FAM135A: variants seen among roughly 807,000 people sequenced by gnomAD.
FAM135A encodes the protein family with sequence similarity 135 member A.
A neutral mutation model predicts 146.8 loss-of-function variants in FAM135A; 79 were observed. That is an observed-to-expected ratio of 0.54 (90% CI 0.45 to 0.65). The LOEUF (loss-of-function observed/expected upper bound fraction) is 0.65. Among genes scored for constraint, FAM135A ranks in the 30% least tolerant of loss-of-function variants. The probability of loss-of-function intolerance (pLI) is 0.00; values close to 1 mark genes in which losing one functional copy is unlikely to be tolerated. For synonymous variants in FAM135A, 562 were observed against 603.6 expected (o/e 0.93, Z 1.01); for missense variants, 1,623 against 1,758.2 (o/e 0.92, Z 1.38).
At chr6:70,453,661 G>A (rs1777628334) in intron 5 of FAM135A, among the ~76,000 whole-genome samples, 1 of 151,736 alleles carries the variant, frequency 6.6e-6, no homozygotes, top group African/African-American at 2.4e-5. Context: ...GAGAACATGT[G>A]GTGTTTGGTT....
intron 20 of FAM135A, among the ~76,000 whole-genome samples, chr6:70,545,913 T>C (rs547285255): frequency 7.8e-4 from 119 of 152,298 alleles, no homozygotes; most frequent in Middle Eastern, 3.4e-3. Flanking sequence ...GCCAATAATA[T>C]ACATTTTCAG....
chr6:70,536,081 T>C (rs1796740158), intron 18 of FAM135A, 179 bp from the exon 19 acceptor site: 2 of 538,230 alleles, frequency 3.7e-6, no homozygotes, highest in African/African-American at 3.9e-5. Flanking sequence ...GGATCTTCTA[T>C]ACATTCTCAC....
chr6:70,550,144 A>T (rs963464114), intron 20 of FAM135A, among the ~76,000 whole-genome samples: 1 of 152,174 alleles, frequency 6.6e-6, no homozygotes, highest in African/African-American at 2.4e-5. Context: ...TCTTCACTGA[A>T]GTCTTGACCC....
chr6:70,479,133 A>C (rs1783205929), intron 8 of FAM135A, among the ~76,000 whole-genome samples: 1 of 152,204 alleles, frequency 6.6e-6, no homozygotes, highest in Non-Finnish European at 1.5e-5. Flanking sequence ...TCATAAAACT[A>C]GCTGTGTTTC....
intron 16 of FAM135A, among the ~76,000 whole-genome samples, chr6:70,532,405 T>A (rs750534920): frequency 3.3e-5 from 5 of 152,180 alleles, no homozygotes; most frequent in Non-Finnish European, 5.9e-5. Context: ...ATAAACTTTC[T>A]TAGATATTTA....
intron 11 of FAM135A, among the ~76,000 whole-genome samples, chr6:70,496,603 G>A (rs932815299): frequency 2.6e-5 from 4 of 152,268 alleles, no homozygotes; most frequent in African/African-American, 9.6e-5. Flanking sequence ...GAATGGCATT[G>A]CCTAGGTTTT....
chr6:70,495,161 G>A (rs1786935633), intron 11 of FAM135A, among the ~76,000 whole-genome samples: 1 of 152,166 alleles, frequency 6.6e-6, no homozygotes. Context: ...TATTCATTAT[G>A]TCTTGACTGT....
At chr6:70,427,960 A>G (rs189193779) in intron 3 of FAM135A, among the ~76,000 whole-genome samples, 111 of 152,324 alleles carry the variant, frequency 7.3e-4, no homozygotes, top group Non-Finnish European at 4.4e-5. Context: ...AGAAGAGAAT[A>G]TTAGATATCT....
At chr6:70,429,900 AT>A (rs1202599426) in intron 4 of FAM135A, among the ~76,000 whole-genome samples, 191 of 144,396 alleles carry the variant, frequency 1.3e-3, no homozygotes, top group Middle Eastern at 3.5e-3. Context: ...GAGATTCTCT[AT>A]TTTTTTTTTT....
chr6:70,468,613 A>G lies in FAM135A; in HGVS notation c.158-6797A>G, dbSNP rs116918863. 3.3e-3 allele frequency among the ~76,000 whole-genome samples: 497 copies of G among 152,288 alleles called. 5 individuals carry two copies. The highest frequency in any genetic ancestry group is 3.0e-3 in the Non-Finnish European group (206 of 68,028). Reference sequence around the variant, plus strand: ...CCCAAGAGTCTTGTGTCTTCTGCCAACATATATGAAACTGTGGCAGACTAG... The same window carrying G: ...CCCAAGAGTCTTGTGTCTTCTGCCAGCATATATGAAACTGTGGCAGACTAG... On this transcript the variant is annotated intron_variant, in intron 5 of 21. Coordinates refer to ENST00000418814, the MANE Select transcript of FAM135A (RefSeq NM_001162529.3).
intron 12 of FAM135A, among the ~76,000 whole-genome samples, chr6:70,512,374 C>T (rs1791193760): frequency 1.3e-5 from 2 of 151,660 alleles, no homozygotes; most frequent in African/African-American, 2.4e-5. Context: ...CTATTGCTTA[C>T]ATACATAGGA....
chr6:70,436,281 T>A (rs982709638), intron 4 of FAM135A, among the ~76,000 whole-genome samples: 1 of 152,136 alleles, frequency 6.6e-6, no homozygotes, highest in Non-Finnish European at 1.5e-5. Flanking sequence ...TCATAAGGCC[T>A]TCAAAACTGT....
At chr6:70,522,607 A>G (rs372531030) in intron 13 of FAM135A, 21 bp downstream of exon 13, 301 of 1,587,710 alleles carry the variant, frequency 1.9e-4, no homozygotes, top group Non-Finnish European at 2.5e-4. Flanking sequence ...TAAATTCAAA[A>G]TTAAAATGAT....
At chr6:70,546,641 T>C (rs189274021) in intron 20 of FAM135A, among the ~76,000 whole-genome samples, 99 of 152,310 alleles carry the variant, frequency 6.5e-4, no homozygotes, top group Middle Eastern at 3.4e-3. Flanking sequence ...CATAAATGTA[T>C]TGGGTGAGAA....
chr6:70,522,659 A>G (rs1793871689), intron 13 of FAM135A, 73 bp downstream of exon 13: 1 of 1,205,750 alleles, frequency 8.3e-7, no homozygotes, highest in Non-Finnish European at 1.2e-6. Flanking sequence ...AGAATTTATC[A>G]GTGACAGAAT....
At chr6:70,497,272 G>C (rs1222077822) in intron 11 of FAM135A, among the ~76,000 whole-genome samples, 1 of 152,074 alleles carries the variant, frequency 6.6e-6, no homozygotes, top group Non-Finnish European at 1.5e-5. Flanking sequence ...ATTGTGAATG[G>C]GAATTCACTC....
At chr6:70,413,844 C>A in intron 1 of FAM135A, 142 bp downstream of exon 1, 1 of 985,492 alleles carries the variant, frequency 1.0e-6, no homozygotes. Context: ...CACCCGACTG[C>A]TGGCGGTCGG....
chr6:70,520,344 CTTA>C (rs1359888088), intron 12 of FAM135A, among the ~76,000 whole-genome samples: 2 of 151,936 alleles, frequency 1.3e-5, no homozygotes, highest in African/African-American at 4.8e-5. Context: ...TTGCAAGGTG[CTTA>C]TTTTTTTCAA....
chr6:70,526,794 C>A (rs1193771080), intron 15 of FAM135A, 96 bp downstream of exon 15: 1 of 765,742 alleles, frequency 1.3e-6, no homozygotes, highest in Non-Finnish European at 1.9e-6. Flanking sequence ...CACACACACA[C>A]ACACACACAT....
Sources: gnomAD v4.1 joint callset for allele counts (sites outside exome capture counted in the v4.1 genomes callset) on GRCh38, gnomAD v4.1.1 for gene constraint, MANE v1.5 for transcripts, NCBI Gene and HGNC (gene_info 2026-07-23, HGNC 2026-07-21) for gene names.